Variants in RPS6KC1 observed in about 807,000 individuals in gnomAD.
RPS6KC1 encodes inactive ribosomal protein S6 kinase delta-1.
RPS6KC1 carries 54 observed loss-of-function variants against 103.8 expected under a neutral mutation model. The observed-to-expected ratio is 0.52, with a 90% confidence interval of 0.42 to 0.65. The LOEUF is 0.65. Among genes scored for constraint, RPS6KC1 ranks in the 30% least tolerant of loss-of-function variants. The probability of loss-of-function intolerance (pLI) is 0.00; values close to 1 mark genes in which losing one functional copy is unlikely to be tolerated. For synonymous variants in RPS6KC1, 439 were observed against 438.7 expected, an observed-to-expected ratio of 1.00 and a Z score of -0.01; for missense variants, 1,151 against 1,253.8, an observed-to-expected ratio of 0.92 and a Z score of 1.24.
intron 4 of RPS6KC1, 122 bp downstream of exon 4, chr1:213,104,691 C>T: frequency 2.0e-6 from 1 of 494,272 alleles, no homozygotes; most frequent in Non-Finnish European, 3.6e-6. Flanking sequence ...AAATTAATAG[C>T]TCTATAATAA....
At chr1:213,589,642 C>CAA in the RPS6KC1 span, among the ~76,000 whole-genome samples, 250 of 129,104 alleles carry the variant, frequency 1.9e-3, no homozygotes, top group South Asian at 5.1e-3. Flanking sequence ...AACTCTGTTT[C>CAA]AAAAAAAAAA....
chr1:213,309,817 T>C, the RPS6KC1 span, among the ~76,000 whole-genome samples: 2 of 152,106 alleles, frequency 1.3e-5, no homozygotes, highest in Non-Finnish European at 2.9e-5. Context: ...CCCAAGTAGC[T>C]GGGATTACAG....
the RPS6KC1 span, among the ~76,000 whole-genome samples, chr1:213,656,684 C>T: frequency 6.6e-6 from 1 of 152,178 alleles, no homozygotes; most frequent in Non-Finnish European, 1.5e-5. Flanking sequence ...CCTCTGAAAG[C>T]ATTCTTATGC....
At chr1:213,722,558 G>A in the RPS6KC1 span, among the ~76,000 whole-genome samples, 205 of 152,210 alleles carry the variant, frequency 1.3e-3, no homozygotes, top group African/African-American at 4.8e-3. Context: ...CCCTGTCTTG[G>A]GTGTATTTGT....
intron 2 of RPS6KC1, among the ~76,000 whole-genome samples, chr1:213,077,071 T>C (rs943553889): frequency 6.6e-6 from 1 of 152,204 alleles, no homozygotes; most frequent in Admixed American, 6.5e-5. Context: ...GGTTTCACCA[T>C]GTTGGCCAGG....
intron 1 of RPS6KC1, among the ~76,000 whole-genome samples, chr1:213,055,237 T>A (rs2077238681): frequency 6.6e-6 from 1 of 152,176 alleles, no homozygotes; most frequent in Non-Finnish European, 1.5e-5. Flanking sequence ...ATTCCCTATC[T>A]CTAGGCAACC....
intron 7 of RPS6KC1, among the ~76,000 whole-genome samples, chr1:213,171,180 A>AT (rs2091448184): frequency 6.6e-6 from 1 of 152,124 alleles, no homozygotes; most frequent in Admixed American, 6.5e-5. Flanking sequence ...TCATGTTAAT[A>AT]TCCTTTTTGC....
At chr1:213,667,189 G>GA in the RPS6KC1 span, among the ~76,000 whole-genome samples, 6,397 of 152,014 alleles carry the variant, frequency 0.042, 264 homozygotes, top group African/African-American at 0.1. Context: ...AAATACAAAA[G>GA]AAAAAAAGAA....
At chr1:213,686,547 A>G in the RPS6KC1 span, among the ~76,000 whole-genome samples, 1 of 152,192 alleles carries the variant, frequency 6.6e-6, no homozygotes, top group Non-Finnish European at 1.5e-5. Context: ...TATTTTTTAA[A>G]AATGCTACTA....
the RPS6KC1 span, among the ~76,000 whole-genome samples, chr1:213,804,195 A>C: frequency 6.7e-6 from 1 of 150,264 alleles, no homozygotes; most frequent in Non-Finnish European, 1.5e-5. Flanking sequence ...AAAAAAAAAA[A>C]AAACAACCCT....
chr1:213,417,398 G>A, the RPS6KC1 span, among the ~76,000 whole-genome samples: 5 of 152,276 alleles, frequency 3.3e-5, no homozygotes, highest in East Asian at 1.9e-4. Context: ...CGGGCACAGC[G>A]CGGAGTTGCT....
At chr1:213,113,569 T>A (rs1412165319) in intron 4 of RPS6KC1, among the ~76,000 whole-genome samples, 1 of 151,400 alleles carries the variant, frequency 6.6e-6, no homozygotes, top group African/African-American at 2.4e-5. Context: ...TTTAATTAGA[T>A]CCCATTTGTC....
the RPS6KC1 span, among the ~76,000 whole-genome samples, chr1:213,659,005 C>A: frequency 0.046 from 7,058 of 151,876 alleles, 268 homozygotes; most frequent in East Asian, 0.16. Flanking sequence ...CCCTCTGTCA[C>A]CCAGGCTGGA....
the RPS6KC1 span, among the ~76,000 whole-genome samples, chr1:213,664,986 C>G: frequency 1.3e-5 from 2 of 151,988 alleles, no homozygotes; most frequent in Non-Finnish European, 2.9e-5. Context: ...TACTGGCTAC[C>G]GTGGATTTTG....
the RPS6KC1 span, among the ~76,000 whole-genome samples, chr1:213,363,742 C>CT: frequency 2.2e-4 from 22 of 101,896 alleles, 1 homozygote; most frequent in Admixed American, 1.1e-3. Context: ...TTCTTTCTCT[C>CT]TTCTTTCTCT....
the RPS6KC1 span, among the ~76,000 whole-genome samples, chr1:213,295,557 C>T: frequency 2.6e-5 from 4 of 152,160 alleles, no homozygotes; most frequent in Admixed American, 1.3e-4. Flanking sequence ...TTGCTAGAGA[C>T]TAAGGAGCTC....
At chr1:213,685,127 C>A in the RPS6KC1 span, among the ~76,000 whole-genome samples, 1 of 152,144 alleles carries the variant, frequency 6.6e-6, no homozygotes, top group African/African-American at 2.4e-5. Flanking sequence ...ATGCTGTCAA[C>A]ATTACATGCT....
At chr1:213,525,596 C>T in the RPS6KC1 span, among the ~76,000 whole-genome samples, 1 of 151,960 alleles carries the variant, frequency 6.6e-6, no homozygotes, top group South Asian at 2.1e-4. Flanking sequence ...TCAGACTCTG[C>T]CATACTTAGA....
the RPS6KC1 span, among the ~76,000 whole-genome samples, chr1:213,287,231 AATGTGTGTGT>A: frequency 1.4e-5 from 1 of 69,374 alleles, no homozygotes; most frequent in East Asian, 4.2e-4. Flanking sequence ...GTGCCTATAC[AATGTGTGTGT>A]GTGTGTGTGT....
Sources: gnomAD v4.1 joint callset for allele counts (sites outside exome capture counted in the v4.1 genomes callset) on GRCh38, gnomAD v4.1.1 for gene constraint, MANE v1.5 for transcripts, NCBI Gene and HGNC (gene_info 2026-07-23, HGNC 2026-07-21) for gene names.